The following REEP5 variants were observed in gnomAD, a reference collection of about 807,000 sequenced individuals.
REEP5 encodes receptor expression-enhancing protein 5.
Under a neutral mutation model 22.4 loss-of-function variants are expected in REEP5, and 24 were observed. The observed-to-expected ratio is 1.07, with a 90% CI of 0.78 to 1.51. REEP5 has a LOEUF of 1.51. REEP5 is among the 40% of genes most tolerant of loss of function. REEP5 has a pLI of 0.00. For synonymous variants in REEP5, 103 were observed against 88.6 expected (o/e 1.16, Z -0.92); for missense variants, 252 against 233.0 (o/e 1.08, Z -0.53).
intron 2 of REEP5, among the ~76,000 whole-genome samples, chr5:112,916,373 G>A (rs1769233106): frequency 6.6e-6 from 1 of 152,188 alleles, no homozygotes; most frequent in Non-Finnish European, 1.5e-5. Flanking sequence ...AGGCAACGCT[G>A]CATCCCCTTA....
rs1462110517 is a variant in REEP5, at chr5:112,876,881, T to TGTAA, written c.*1901_*1904dup. 5 of 152,300 alleles carry TGTAA rather than the reference T, an allele frequency of 3.3e-5. No homozygotes were observed. Among genetic ancestry groups the TGTAA allele is most frequent in the African/African-American group, 9.6e-5 (4 of 41,544 alleles). The allele number at this position is 152,300 out of a possible 1,614,324, so 9.4% of individuals were successfully genotyped here. A position where few individuals can be genotyped will look rare whatever the true frequency, so the allele number is the denominator to read the frequency against. ...TAGTATTTTAAAACTAATTTTAGCCTGTAAGTCATTATGAGCAATAGTAAC... is the reference window on the plus strand; with the variant it reads ...TAGTATTTTAAAACTAATTTTAGCCTGTAAGTAAGTCATTATGAGCAATAGTAAC... On this transcript the variant is annotated 3_prime_UTR_variant, in exon 5 of 5. Coordinates refer to ENST00000379638, the MANE Select transcript of REEP5 (RefSeq NM_005669.5).
At chr5:112,910,638 G>C (rs1338308467) in intron 2 of REEP5, among the ~76,000 whole-genome samples, 1 of 152,138 alleles carries the variant, frequency 6.6e-6, no homozygotes, top group Non-Finnish European at 1.5e-5. Flanking sequence ...TATATCTGCA[G>C]CTCAATCTCT....
At chr5:112,910,050 C>T (rs529319789) in intron 2 of REEP5, among the ~76,000 whole-genome samples, 127 of 152,286 alleles carry the variant, frequency 8.3e-4, no homozygotes, top group African/African-American at 2.9e-3. Context: ...CGCCTGTAAT[C>T]GCAGCATTTT....
rs377001833 is a variant in REEP5, at chr5:112,893,070, A to T, written c.352-5887T>A. On this transcript the variant is annotated intron_variant, in intron 3 of 4. Transcript: ENST00000379638. ...GAGACAGAACTGTTCAGAGTCCCCA[A>T]TCCAAATAAACTAGTTTTGTTCTTA... 4.2e-6 allele frequency: 5 copies of T among 1,193,558 alleles called. No individual in the cohort carries two copies. The Admixed American group carries it at 8.8e-5, about 21-fold the overall frequency. The allele number at this position is 1,193,558 out of a possible 1,614,324, so 73.9% of individuals were successfully genotyped here.
chr5:112,914,635 T>G (rs910375622), intron 2 of REEP5, among the ~76,000 whole-genome samples: 2 of 152,168 alleles, frequency 1.3e-5, no homozygotes, highest in African/African-American at 4.8e-5. Context: ...GTCAGATTGG[T>G]ATCATAAAGT....
intron 3 of REEP5, among the ~76,000 whole-genome samples, chr5:112,888,248 T>C (rs1768321903): frequency 6.6e-6 from 1 of 152,216 alleles, no homozygotes; most frequent in African/African-American, 2.4e-5. Context: ...AAGACAGTCT[T>C]TCAGGTGTTT....
At chr5:112,893,865 C>T (rs1332087584) in intron 3 of REEP5, 1 of 152,248 alleles carries the variant, frequency 6.6e-6, no homozygotes, top group East Asian at 1.9e-4. Flanking sequence ...AGCAACTCTG[C>T]TCTAGCATGC....
At chr5:112,909,751 G>T (rs1769048476) in intron 2 of REEP5, among the ~76,000 whole-genome samples, 1 of 152,094 alleles carries the variant, frequency 6.6e-6, no homozygotes, top group Non-Finnish European at 1.5e-5. Context: ...ACCCTTGCTG[G>T]CCCATCTACT....
Position 112,877,813 on chromosome 5 carries a change from A to T in REEP5, c.*973T>A, listed in dbSNP as rs1181098389. The T allele has an allele frequency of 3.3e-5, 5 of 152,230 alleles. No individual in the cohort carries two copies. The East Asian group carries it at 9.6e-4, about 29-fold the overall frequency. The allele number at this position is 152,230 out of a possible 1,614,324, so 9.4% of individuals were successfully genotyped here. ...CTTCAGAAGTTCCTTAAACTGGTTT[A>T]AAAAAGAAGATTGGGAAAGAAGACT... On this transcript the variant is annotated 3_prime_UTR_variant, in exon 5 of 5. Transcript: ENST00000379638.
At chr5:112,921,107 C>T (rs1265355796) in intron 2 of REEP5, 56 bp downstream of exon 2, 4 of 1,541,452 alleles carry the variant, frequency 2.6e-6, no homozygotes, top group African/African-American at 1.4e-5. Flanking sequence ...ACTGCAGCAG[C>T]CCTGCGGGGA....
chr5:112,907,338 C>A (rs893787182), intron 2 of REEP5, among the ~76,000 whole-genome samples: 3 of 152,214 alleles, frequency 2.0e-5, no homozygotes, highest in African/African-American at 4.8e-5. Context: ...TGGACAGACA[C>A]CACAGTCTTA....
intron 3 of REEP5, among the ~76,000 whole-genome samples, chr5:112,900,465 C>G (rs1320447517): frequency 1.3e-5 from 2 of 152,200 alleles, no homozygotes; most frequent in African/African-American, 4.8e-5. Context: ...AAAGTCCTGT[C>G]TTTGCAAATC....
At chr5:112,892,075 G>C (rs779176035) in intron 3 of REEP5, 1 of 1,599,952 alleles carries the variant, frequency 6.3e-7, no homozygotes. Context: ...GAAGATGCTG[G>C]ATCAGGCTGA....
intron 2 of REEP5, among the ~76,000 whole-genome samples, chr5:112,917,079 G>T (rs1049487464): frequency 3.3e-5 from 5 of 152,200 alleles, no homozygotes; most frequent in Non-Finnish European, 5.9e-5. Context: ...ACTGAACTGG[G>T]TATGAGATTT....
At position 112,878,723 on chromosome 5, in the gene REEP5, A is replaced by C. The variant is rs545310567; in HGVS notation, c.*63T>G. 6.3e-7 allele frequency: 1 copy of C among 1,597,638 alleles called. No individual in the cohort carries two copies. The highest frequency in any genetic ancestry group is 1.3e-5 in the African/African-American group (1 of 74,140). On this transcript the variant is annotated 3_prime_UTR_variant, in exon 5 of 5. Transcript: ENST00000379638. ...TTAAAATAATTATACCACAGTCCCT[A>C]ATATAACATCAAGCTCCAGTAGGAA...
chr5:112,878,959 C>T (rs954518878), intron 4 of REEP5, 124 bp from the exon 5 acceptor site: 39 of 1,456,368 alleles, frequency 2.7e-5, no homozygotes, highest in Admixed American at 1.3e-4. Context: ...TGTTCAGGTG[C>T]GATCATGTTG....
chr5:112,921,622 G>A (rs1315642531), intron 1 of REEP5: 2 of 302,902 alleles, frequency 6.6e-6, no homozygotes, highest in Non-Finnish European at 1.3e-5. Flanking sequence ...GTCCCGAGAG[G>A]CCCGGACTCC....
chr5:112,899,035 T>G (rs1561654441), intron 3 of REEP5, among the ~76,000 whole-genome samples: 1 of 152,216 alleles, frequency 6.6e-6, no homozygotes, highest in Non-Finnish European at 1.5e-5. Context: ...TTGTCTTTTT[T>G]CTTTTTTAAC....
intron 2 of REEP5, among the ~76,000 whole-genome samples, chr5:112,913,379 AAGAGAAAGAAAG>A (rs1216412608): frequency 2.9e-5 from 1 of 34,322 alleles, no homozygotes; most frequent in Non-Finnish European, 4.9e-5. Flanking sequence ...AGAAGAAAGA[AAGAGAAAGAAAG>A]AGAAAGAAAG....
Sources: allele counts gnomAD v4.1 joint callset (sites outside exome capture counted in the v4.1 genomes callset), GRCh38; gene constraint gnomAD v4.1.1; transcripts MANE v1.5; gene names NCBI Gene and HGNC (gene_info 2026-07-23, HGNC 2026-07-21).